MTARC2: variants seen among roughly 807,000 people sequenced by gnomAD.
MTARC2 encodes MOCO sulphurase C-terminal domain containing 2.
Under a neutral mutation model 35.6 loss-of-function variants are expected in MTARC2, and 27 were observed. The observed-to-expected ratio is 0.76, with a 90% CI of 0.56 to 1.04. The LOEUF (loss-of-function observed/expected upper bound fraction) is 1.04, where lower values mean the gene tolerates loss of function less well. Among genes scored for constraint, MTARC2 ranks in the 50% least tolerant of loss-of-function variants. The pLI is 0.00. For missense variants in MTARC2, 412 were observed against 432.5 expected, an observed-to-expected ratio of 0.95 and a Z score of 0.42; for synonymous variants, 158 against 167.1, an observed-to-expected ratio of 0.95 and a Z score of 0.42.
intron 4 of MTARC2, among the ~76,000 whole-genome samples, chr1:220,763,896 C>G (rs78827873): frequency 0.019 from 2,852 of 152,264 alleles, 92 homozygotes; most frequent in African/African-American, 0.065. Flanking sequence ...GTGTTATACA[C>G]TTTGCCTAGC....
At chr1:220,769,458 T>G (rs1671674768) in intron 4 of MTARC2, among the ~76,000 whole-genome samples, 3 of 152,160 alleles carry the variant, frequency 2.0e-5, no homozygotes, top group Admixed American at 2.0e-4. Context: ...GGTGCCTCCA[T>G]CTCAGGTGCA....
chr1:220,761,590 T>A, intron 2 of MTARC2, 68 bp from the exon 3 acceptor site: 1 of 1,480,986 alleles, frequency 6.8e-7, no homozygotes, highest in Non-Finnish European at 9.1e-7. Context: ...CAGCTGTTCA[T>A]TTTTGACACC....
In MTARC2 at chr1:220,754,827, A is replaced by G. The variant is rs72472375; in HGVS notation, c.273-120A>G. On this transcript the variant is annotated intron_variant, in intron 1 of 7. Transcript: ENST00000366913. ...CCAGACCTGGATAATTGTCTGGAAA[A>G]TGATTGTTAGGTCCCAAGACGGGGT... The G allele has an allele frequency of 7.4e-3, 7,104 of 962,650 alleles. 40 individuals are homozygous for G. Among genetic ancestry groups the G allele is most frequent in the Non-Finnish European group, 9.0e-3 (5,877 of 650,394 alleles). 59.6% of individuals were successfully genotyped at this position (962,650 alleles called of 1,614,324 possible).
intron 4 of MTARC2, among the ~76,000 whole-genome samples, chr1:220,772,339 G>A (rs1282434699): frequency 6.6e-6 from 1 of 152,184 alleles, no homozygotes; most frequent in African/African-American, 2.4e-5. Context: ...CCCTCAAGGT[G>A]AGCATAAGCG....
intron 4 of MTARC2, among the ~76,000 whole-genome samples, chr1:220,763,660 T>C (rs1199276876): frequency 5.3e-5 from 8 of 152,208 alleles, no homozygotes; most frequent in Non-Finnish European, 1.2e-4. Flanking sequence ...TAGCTGGGTA[T>C]TGCTTGGTGA....
intron 2 of MTARC2, among the ~76,000 whole-genome samples, chr1:220,756,885 A>AT (rs1336044920): frequency 6.6e-6 from 1 of 152,108 alleles, no homozygotes; most frequent in Non-Finnish European, 1.5e-5. Context: ...AAAGACAGCA[A>AT]TTGCAGCCTA....
Position 220,749,863 on chromosome 1 carries a change from C to T in MTARC2, c.272+1060C>T, listed in dbSNP as rs150454138. ...GCATCCCTGTGTTCACTCCAGGACA[C>T]GCGGATGCACTGTTTTCTGAAGACT... On this transcript the variant is annotated intron_variant, in intron 1 of 7. Transcript: ENST00000366913. Among the ~76,000 whole-genome samples the T allele has an allele frequency of 3.5e-3, 528 of 152,234 alleles. 1 individual carries two copies. The highest frequency in any genetic ancestry group is 0.012 in the African/African-American group (509 of 41,530).
At chr1:220,774,144 CA>C (rs2102565371) in intron 4 of MTARC2, among the ~76,000 whole-genome samples, 1 of 151,958 alleles carries the variant, frequency 6.6e-6, no homozygotes, top group South Asian at 2.1e-4. Flanking sequence ...CGGCTCACTG[CA>C]ACCTCTGCCT....
intron 4 of MTARC2, chr1:220,770,311 C>A: frequency 1.2e-6 from 1 of 837,612 alleles, no homozygotes; most frequent in Non-Finnish European, 1.4e-6. Context: ...GAACTGAATT[C>A]GAGGCAAGGA....
chr1:220,783,804 G>T, intron 7 of MTARC2, 115 bp from the exon 8 acceptor site: 1 of 703,264 alleles, frequency 1.4e-6, no homozygotes, highest in Non-Finnish European at 2.6e-6. Flanking sequence ...GCACAGCACT[G>T]CACCATACAT....
Position 220,766,397 on chromosome 1 carries a change from T to C in MTARC2, c.750+3347T>C, listed in dbSNP as rs115289226. On this transcript the variant is annotated intron_variant, in intron 4 of 7. Coordinates refer to ENST00000366913, the MANE Select transcript of MTARC2 (RefSeq NM_017898.5). ...ATTGTCTAGTAGGATGTACATAATATCAGATTCATTAAATGCCTGGCAAAC... is the reference window on the plus strand; with the variant it reads ...ATTGTCTAGTAGGATGTACATAATACCAGATTCATTAAATGCCTGGCAAAC... Among the ~76,000 whole-genome samples the C allele has an allele frequency of 7.5e-3, 1,148 of 152,162 alleles. 20 individuals are homozygous for C. The highest frequency in any genetic ancestry group is 0.027 in the African/African-American group (1,106 of 41,510).
intron 4 of MTARC2, chr1:220,770,557 G>C (rs556692323): frequency 5.8e-5 from 57 of 985,450 alleles, no homozygotes; most frequent in Admixed American, 1.2e-4. Flanking sequence ...CAGAGTGGAG[G>C]TAAGGCAGGA....
chr1:220,774,943 C>CTGTGAGAGAGTGTGTG (rs1279896618), intron 4 of MTARC2, among the ~76,000 whole-genome samples: 10 of 149,998 alleles, frequency 6.7e-5, no homozygotes, highest in African/African-American at 2.5e-4. Context: ...CTATATAGAC[C>CTGTGAGAGAGTGTGTG]CGTGTGTGTG....
At position 220,748,856 on chromosome 1, in the gene MTARC2, C is replaced by CGT. The variant is rs754096533; in HGVS notation, c.272+54_272+55insTG. ...CGCGGAGCCTGCCTGGGATGAGGAG[C>CGT]GGGGGGGCAGGTGGGGCCCGATCTA... On this transcript the variant is annotated intron_variant, in intron 1 of 7. Transcript: ENST00000366913. 2.7e-6 allele frequency: 4 copies of CGT among 1,490,330 alleles called. No homozygotes were observed. The African/African-American group carries it at 4.4e-5, about 16-fold the overall frequency. The allele number at this position is 1,490,330 out of a possible 1,614,324, so 92.3% of individuals were successfully genotyped here.
chr1:220,754,923 G>A (rs750618888), intron 1 of MTARC2, 24 bp from the exon 2 acceptor site: 11 of 1,546,190 alleles, frequency 7.1e-6, no homozygotes, highest in Admixed American at 1.9e-5. Context: ...TTTTCTGAGT[G>A]TGCCCTGGTT....
At chr1:220,777,224 C>A (rs1261932905) in intron 4 of MTARC2, among the ~76,000 whole-genome samples, 1 of 152,206 alleles carries the variant, frequency 6.6e-6, no homozygotes, top group African/African-American at 2.4e-5. Flanking sequence ...CCAGTGCATC[C>A]ATGGAGACCT....
At chr1:220,756,002 C>A (rs1671267558) in intron 2 of MTARC2, among the ~76,000 whole-genome samples, 1 of 152,188 alleles carries the variant, frequency 6.6e-6, no homozygotes, top group Admixed American at 6.5e-5. Flanking sequence ...GATGCTGGAG[C>A]TTCCAGAGCT....
chr1:220,753,050 T>TA (rs747375341), intron 1 of MTARC2, among the ~76,000 whole-genome samples: 9,085 of 106,802 alleles, frequency 0.085, 444 homozygotes, highest in East Asian at 0.23. Context: ...CTGTCTCTAC[T>TA]AAAAAAAAAA....
Position 220,783,991 on chromosome 1 carries a change from T to C in MTARC2, c.*104T>C, listed in dbSNP as rs1398176896. ...ACGATACATCAGCAAATCCTTATTATCCAGCCTTCAACTATCTTTACCCTG... is the reference window on the plus strand; with the variant it reads ...ACGATACATCAGCAAATCCTTATTACCCAGCCTTCAACTATCTTTACCCTG... On this transcript the variant is annotated 3_prime_UTR_variant, in exon 8 of 8. Coordinates refer to ENST00000366913, the MANE Select transcript of MTARC2 (RefSeq NM_017898.5). 3 of 717,342 alleles carry C rather than the reference T, an allele frequency of 4.2e-6. No homozygotes were observed. Among genetic ancestry groups the C allele is most frequent in the Admixed American group, 2.0e-5 (1 of 50,012 alleles). 44.4% of individuals were successfully genotyped at this position (717,342 alleles called of 1,614,324 possible). A position where few individuals can be genotyped will look rare whatever the true frequency, so the allele number is the denominator to read the frequency against.
Sources: allele counts gnomAD v4.1 joint callset (sites outside exome capture counted in the v4.1 genomes callset), GRCh38; gene constraint gnomAD v4.1.1; transcripts MANE v1.5; gene names NCBI Gene and HGNC (gene_info 2026-07-23, HGNC 2026-07-21).